Variants in DNAI4 observed in about 807,000 individuals in gnomAD.
DNAI4 encodes dynein axonemal intermediate chain 4.
Under a neutral mutation model 105.8 loss-of-function variants are expected in DNAI4, and 85 were observed. The ratio of observed to expected loss-of-function variants is 0.80; its 90% CI spans 0.67 to 0.96. The LOEUF is 0.96. Among genes scored for constraint, DNAI4 ranks in the 40% least tolerant of loss-of-function variants. DNAI4 has a pLI of 0.00. For missense variants in DNAI4, 1,014 were observed against 1,005.6 expected (o/e 1.01, Z -0.11); for synonymous variants, 352 against 331.5 (o/e 1.06, Z -0.67).
In DNAI4 at chr1:66,890,979, C is replaced by G; in HGVS notation, c.643+175G>C. ...CCTCAGGCTGATGATTCAAAACAGT[C>G]ACCCAGGGAACTTAAAAAAATAGAT... On this transcript the variant is annotated intron_variant, in intron 4 of 16. Transcript: ENST00000371026. The surrounding 1 kb of genome is among the most constrained non-coding windows in gnomAD (Gnocchi z 4.1). 1.6e-6 allele frequency: 1 copy of G among 611,832 alleles called. No homozygotes were observed. Among genetic ancestry groups the G allele is most frequent in the Non-Finnish European group, 2.9e-6 (1 of 344,934 alleles). 37.9% of individuals were successfully genotyped at this position (611,832 alleles called of 1,614,324 possible). A position where few individuals can be genotyped will look rare whatever the true frequency, so the allele number is the denominator to read the frequency against.
Position 66,847,627 on chromosome 1 carries a change from A to T in DNAI4, c.1148T>A (p.Ile383Asn). ...MDIENVILAK[I>N]HEDEEDHSDA... The stretch of plus-strand genomic sequence containing the variant: ...TGAGTGGTCTTCCTCATCTTCATGG[A>T]TTTTTGCCAGAATTACATTTTCTAT... The change falls in exon 8 of 17, where the codon ATC (isoleucine) becomes AAC (asparagine). Residue 383 changes from isoleucine (I) to asparagine (N), a missense_variant. Physicochemically the swap from Ile to Asn is moderately radical, Grantham distance 149. Transcript: ENST00000371026. 3 of 1,613,418 alleles carry T rather than the reference A, an allele frequency of 1.9e-6. No homozygotes were observed. In the African/African-American group the frequency reaches 4.0e-5, roughly 22 times the overall value.
At chr1:66,842,865 A>G (rs72924139) in intron 8 of DNAI4, among the ~76,000 whole-genome samples, 12,549 of 152,056 alleles carry the variant, frequency 0.083, 710 homozygotes, top group African/African-American at 0.16. Context: ...GTGTAGTGCT[A>G]CCTCATTGTT....
chr1:66,883,997 G>C (rs1335235481), intron 4 of DNAI4, among the ~76,000 whole-genome samples: 1 of 151,902 alleles, frequency 6.6e-6, no homozygotes, highest in Non-Finnish European at 1.5e-5. Context: ...CAAATCCCTA[G>C]CCTTTGTTAA....
At chr1:66,838,755 A>G (rs1400808833) in intron 9 of DNAI4, among the ~76,000 whole-genome samples, 1 of 152,192 alleles carries the variant, frequency 6.6e-6, no homozygotes, top group African/African-American at 2.4e-5. Flanking sequence ...CCTGACATTG[A>G]CATATCCCTA....
chr1:66,847,819 T>C, intron 7 of DNAI4, 141 bp from the exon 8 acceptor site: 1 of 657,768 alleles, frequency 1.5e-6, no homozygotes, highest in East Asian at 2.9e-5. Context: ...TTATTGAATA[T>C]CTTACGTACC....
chr1:66,881,757 G>A (rs1025993324), intron 4 of DNAI4, among the ~76,000 whole-genome samples: 1 of 152,132 alleles, frequency 6.6e-6, no homozygotes, highest in East Asian at 1.9e-4. Flanking sequence ...AGGCATAATT[G>A]GTTTTGAAAT....
rs1295948 is a variant in DNAI4 at position 66,870,607 on chromosome 1, G to A, written c.940+763C>T. On this transcript the variant is annotated intron_variant, in intron 6 of 16. Transcript: ENST00000371026. ...CTCTATAAAAATACAAAAATTCGCC[G>A]GGCATGATGGCAGGTGCCTGTAATC... Among the ~76,000 whole-genome samples, 1,201 of 150,230 alleles carry A rather than the reference G, an allele frequency of 8.0e-3. 14 individuals are homozygous for A. Among genetic ancestry groups the A allele is most frequent in the African/African-American group, 0.028 (1,150 of 40,946 alleles).
At chr1:66,881,218 C>G (rs919036371) in intron 4 of DNAI4, among the ~76,000 whole-genome samples, 2 of 152,240 alleles carry the variant, frequency 1.3e-5, no homozygotes, top group African/African-American at 4.8e-5. Context: ...GTGGGAGCCC[C>G]CACACAGAGT....
intron 14 of DNAI4, among the ~76,000 whole-genome samples, chr1:66,827,516 A>G (rs890314947): frequency 2.0e-5 from 3 of 152,064 alleles, no homozygotes; most frequent in Non-Finnish European, 4.4e-5. Flanking sequence ...AAAATAAGCT[A>G]TAGAGACTAG....
intron 16 of DNAI4, among the ~76,000 whole-genome samples, chr1:66,814,556 G>A (rs538416804): frequency 6.6e-6 from 1 of 152,248 alleles, no homozygotes; most frequent in Admixed American, 6.5e-5. Flanking sequence ...TTTTAGTAGA[G>A]ATACGGTTTC....
At chr1:66,872,314 C>T (rs191743892) in intron 5 of DNAI4, among the ~76,000 whole-genome samples, 16 of 152,100 alleles carry the variant, frequency 1.1e-4, no homozygotes, top group Admixed American at 7.2e-4. Flanking sequence ...CTGCAACCTC[C>T]GCCTCTCAGG....
At chr1:66,836,334 GGGAA>G (rs967893918) in intron 10 of DNAI4, among the ~76,000 whole-genome samples, 6 of 150,460 alleles carry the variant, frequency 4.0e-5, no homozygotes, top group African/African-American at 1.5e-4. Context: ...GAAGGAAAGA[GGGAA>G]GGAAGGGAGG....
chr1:66,843,230 AGG>A (rs1646193300), intron 8 of DNAI4, among the ~76,000 whole-genome samples: 18 of 8,246 alleles, frequency 2.2e-3, no homozygotes, highest in Non-Finnish European at 3.2e-3. Context: ...GGTGGGGGGG[AGG>A]AGGAGGAGGA....
chr1:66,838,899 T>C (rs891951778), intron 9 of DNAI4, among the ~76,000 whole-genome samples: 1 of 152,236 alleles, frequency 6.6e-6, no homozygotes, highest in African/African-American at 2.4e-5. Context: ...GCAGGGTCTA[T>C]GTATAACTTC....
chr1:66,814,672 G>C (rs2454321), intron 16 of DNAI4, among the ~76,000 whole-genome samples: 25,047 of 152,128 alleles, frequency 0.16, 2,610 homozygotes, highest in African/African-American at 0.29. Context: ...CTGGCCAAAA[G>C]ACTCTTTTAA....
At chr1:66,887,488 T>C (rs1925402) in intron 4 of DNAI4, among the ~76,000 whole-genome samples, 25,287 of 152,136 alleles carry the variant, frequency 0.17, 2,518 homozygotes, top group African/African-American at 0.29. Flanking sequence ...GGGGAAGTTA[T>C]AAACATATTT....
chr1:66,827,958 G>A (rs1271497475), intron 13 of DNAI4, 48 bp from the exon 14 acceptor site: 1 of 1,194,954 alleles, frequency 8.4e-7, no homozygotes, highest in Non-Finnish European at 1.2e-6. Flanking sequence ...ACATTAGTAA[G>A]TGTGATAAAT....
chr1:66,893,001 GAA>G (rs1433802589), intron 3 of DNAI4, among the ~76,000 whole-genome samples: 8 of 113,606 alleles, frequency 7.0e-5, no homozygotes, highest in African/African-American at 3.0e-4. Context: ...AAGAAAGAGA[GAA>G]AGAGAGAGAG....
intron 15 of DNAI4, among the ~76,000 whole-genome samples, chr1:66,825,434 G>A (rs1301556748): frequency 6.6e-6 from 1 of 151,936 alleles, no homozygotes; most frequent in Non-Finnish European, 1.5e-5. Flanking sequence ...ACCCGCCTCG[G>A]CCTCCCAAAG....
Sources: allele counts gnomAD v4.1 joint callset (sites outside exome capture counted in the v4.1 genomes callset), GRCh38; gene constraint gnomAD v4.1.1; non-coding constraint Gnocchi (gnomAD v3.1); transcripts MANE v1.5; gene names NCBI Gene and HGNC (gene_info 2026-07-23, HGNC 2026-07-21).